FCGR2B: variants seen among roughly 807,000 people sequenced by gnomAD.
FCGR2B encodes Fc gamma receptor IIb, also known as low affinity immunoglobulin gamma Fc region receptor II-b.
A neutral mutation model predicts 24.8 loss-of-function variants in FCGR2B; 18 were observed. The ratio of observed to expected loss-of-function variants is 0.73; its 90% CI spans 0.50 to 1.08. The LOEUF is 1.08. Among genes scored for constraint, FCGR2B ranks in the 50% least tolerant of loss-of-function variants. FCGR2B has a pLI of 0.00. For synonymous variants in FCGR2B, 79 were observed against 109.8 expected (o/e 0.72, Z 1.75); for missense variants, 215 against 297.6 (o/e 0.72, Z 2.04).
chr1:161,675,730 AC>A (rs1452774276), intron 6 of FCGR2B: 1 of 236,258 alleles, frequency 4.2e-6, no homozygotes, highest in Non-Finnish European at 8.3e-6. Flanking sequence ...AGGCCTGGAA[AC>A]CCCTTGATTT....
At chr1:161,650,053 G>A in the FCGR2B span, among the ~76,000 whole-genome samples, 1 of 150,560 alleles carries the variant, frequency 6.6e-6, no homozygotes, top group East Asian at 1.9e-4. Context: ...TGTTGCCCAA[G>A]CTGGAGTGCA....
the FCGR2B span, among the ~76,000 whole-genome samples, chr1:161,655,142 G>T: frequency 1.3e-5 from 2 of 150,656 alleles, no homozygotes; most frequent in Non-Finnish European, 3.0e-5. Context: ...CTTGAGGTCG[G>T]CACTGACTGT....
the FCGR2B span, among the ~76,000 whole-genome samples, chr1:161,654,071 T>C: frequency 7.3e-6 from 1 of 136,456 alleles, no homozygotes; most frequent in South Asian, 2.4e-4. Flanking sequence ...GGAGATGTGT[T>C]TGAGAAATTG....
At position 161,678,570 on chromosome 1, in the gene FCGR2B, T is replaced by C. The variant is rs1571036892; in HGVS notation, c.*1017T>C. The stretch of plus-strand genomic sequence containing the variant: ...ATATTTCAACAATGCATGACTGTAC[T>C]CTTCTGCCAATGACCTTGTATTCTT... On this transcript the variant is annotated 3_prime_UTR_variant, in exon 8 of 8. Coordinates refer to ENST00000358671, the MANE Select transcript of FCGR2B (RefSeq NM_001394477.1). The C allele has an allele frequency of 4.7e-6, 1 of 213,304 alleles. No individual in the cohort carries two copies. The highest frequency in any genetic ancestry group is 2.3e-5 in the African/African-American group (1 of 44,180). 13.2% of individuals were successfully genotyped at this position (213,304 alleles called of 1,614,324 possible).
chr1:161,663,726 CA>C (rs1681204674), intron 1 of FCGR2B, among the ~76,000 whole-genome samples: 1 of 152,084 alleles, frequency 6.6e-6, no homozygotes. Flanking sequence ...GCAGGAGGGC[CA>C]GTGCTGCCTT....
intron 1 of FCGR2B, among the ~76,000 whole-genome samples, chr1:161,669,492 C>T (rs1681487478): frequency 7.1e-6 from 1 of 141,664 alleles, no homozygotes; most frequent in Non-Finnish European, 1.6e-5. Context: ...ATCACTTGAA[C>T]CTGGGAGGCG....
chr1:161,670,903 C>T (rs1162314338), intron 2 of FCGR2B, among the ~76,000 whole-genome samples: 3 of 148,100 alleles, frequency 2.0e-5, no homozygotes, highest in Admixed American at 6.8e-5. Flanking sequence ...TAGGTCAGAA[C>T]GGAAACCTGA....
chr1:161,672,871 T>G lies in FCGR2B; in HGVS notation c.392-104T>G, dbSNP rs190837656. The G allele has an allele frequency of 5.6e-3, 8,472 of 1,513,852 alleles. 61 individuals are homozygous for G. Among genetic ancestry groups the G allele is most frequent in the South Asian group, 0.025 (1,880 of 76,712 alleles). The allele number at this position is 1,513,852 out of a possible 1,614,324, so 93.8% of individuals were successfully genotyped here. A position where few individuals can be genotyped will look rare whatever the true frequency, so the allele number is the denominator to read the frequency against. On this transcript the variant is annotated intron_variant, in intron 3 of 7. Transcript: ENST00000358671. ...GTCCAGGACTGTCTGATTTCAGACC[T>G]AAGCTGTTCCCTCTGCACATCGTGT...
intron 2 of FCGR2B, 94 bp from the exon 3 acceptor site, chr1:161,671,298 G>A (rs1031603288): frequency 1.9e-6 from 3 of 1,594,396 alleles, no homozygotes; most frequent in African/African-American, 2.7e-5. Flanking sequence ...GGTGCCCCTA[G>A]TAGGCCTACA....
chr1:161,677,004 TC>T (rs1259355335), intron 6 of FCGR2B: 3 of 402,838 alleles, frequency 7.4e-6, no homozygotes, highest in Admixed American at 4.8e-5. Context: ...AACACCCCCC[TC>T]CCCCACCTCT....
chr1:161,648,728 C>T, the FCGR2B span, among the ~76,000 whole-genome samples: 2 of 150,644 alleles, frequency 1.3e-5, no homozygotes, highest in African/African-American at 2.5e-5. Context: ...TTTGCTCTGT[C>T]GCCCAGGCTG....
the FCGR2B span, among the ~76,000 whole-genome samples, chr1:161,647,928 C>G: frequency 8.0e-5 from 12 of 150,934 alleles, 1 homozygote; most frequent in Non-Finnish European, 4.4e-5. Context: ...GTCAGCGACT[C>G]GTAGACGACC....
At chr1:161,671,292 C>G in intron 2 of FCGR2B, 100 bp from the exon 3 acceptor site, 1 of 1,579,248 alleles carries the variant, frequency 6.3e-7, no homozygotes, top group Non-Finnish European at 8.6e-7. Context: ...GCTTTTGGTG[C>G]CCCTAGTAGG....
At chr1:161,660,899 CAAAAAA>C (rs762110926), upstream of FCGR2B, among the ~76,000 whole-genome samples, 1 of 28,178 alleles carries the variant, frequency 3.5e-5, no homozygotes, top group Non-Finnish European at 6.7e-5. Context: ...ACTAAAAATA[CAAAAAA>C]AAAAAAAGAA....
chr1:161,648,718 T>G, the FCGR2B span, among the ~76,000 whole-genome samples: 1 of 150,800 alleles, frequency 6.6e-6, no homozygotes, highest in Admixed American at 6.7e-5. Context: ...GAGGCAGAGT[T>G]TTGCTCTGTC....
the FCGR2B span, among the ~76,000 whole-genome samples, chr1:161,653,235 G>C: frequency 0.099 from 12,961 of 130,660 alleles, 3,181 homozygotes; most frequent in Non-Finnish European, 0.15. Context: ...GAAATCCAGT[G>C]TCTACTAAAA....
At chr1:161,661,257 A>AGAAAGAAG (rs1557895298), upstream of FCGR2B, among the ~76,000 whole-genome samples, 10 of 32,388 alleles carry the variant, frequency 3.1e-4, no homozygotes, top group Admixed American at 2.4e-3. Flanking sequence ...AAAGAAAGAA[A>AGAAAGAAG]GAAAGGAAGG....
chr1:161,673,657 C>A, intron 4 of FCGR2B: 1 of 527,672 alleles, frequency 1.9e-6, no homozygotes, highest in South Asian at 2.0e-5. Context: ...ATGCCTCCAG[C>A]TATGCGAGGC....
intron 5 of FCGR2B, chr1:161,675,033 G>T: frequency 1.9e-6 from 1 of 512,900 alleles, no homozygotes; most frequent in Non-Finnish European, 3.5e-6. Flanking sequence ...TGGACTTTCT[G>T]ACACTCCTGG....
Sources: gnomAD v4.1 joint callset for allele counts (sites outside exome capture counted in the v4.1 genomes callset) on GRCh38, gnomAD v4.1.1 for gene constraint, MANE v1.5 for transcripts, NCBI Gene and HGNC (gene_info 2026-07-23, HGNC 2026-07-21) for gene names.